FARS2: variants seen among roughly 807,000 people sequenced by gnomAD.
FARS2 encodes the protein phenylalanyl-tRNA synthetase 2, mitochondrial.
In FARS2, 40 loss-of-function variants were observed where a neutral mutation model predicts 46.4. That is an observed-to-expected ratio of 0.86 (90% CI 0.67 to 1.12). The LOEUF (loss-of-function observed/expected upper bound fraction) is 1.12, where lower values mean the gene tolerates loss of function less well. FARS2 is among the 50% of genes most tolerant of loss of function. FARS2 has a pLI of 0.00. For synonymous variants in FARS2, 234 were observed against 214.9 expected (o/e 1.09, Z -0.78); for missense variants, 513 against 567.9 (o/e 0.90, Z 0.98).
intron 4 of FARS2, among the ~76,000 whole-genome samples, chr6:5,523,012 A>G (rs1388663434): frequency 6.6e-6 from 1 of 152,176 alleles, no homozygotes; most frequent in Non-Finnish European, 1.5e-5. Context: ...GAGAGAAGGA[A>G]GGTTGAAGTA....
intron 5 of FARS2, among the ~76,000 whole-genome samples, chr6:5,562,842 C>T (rs1301656728): frequency 5.5e-5 from 8 of 146,370 alleles, no homozygotes; most frequent in East Asian, 2.0e-4. Context: ...TTTCGCTCAT[C>T]GCCCAGGCCG....
intron 6 of FARS2, among the ~76,000 whole-genome samples, chr6:5,691,436 G>C (rs956850099): frequency 6.6e-6 from 1 of 152,176 alleles, no homozygotes; most frequent in Non-Finnish European, 1.5e-5. Flanking sequence ...AGGTCTGTTG[G>C]AGTTTGCTGG....
At chr6:5,597,954 C>T (rs1297472194) in intron 5 of FARS2, among the ~76,000 whole-genome samples, 1 of 152,026 alleles carries the variant, frequency 6.6e-6, no homozygotes, top group Non-Finnish European at 1.5e-5. Context: ...CATAATAATA[C>T]AGTAGCTACC....
intron 5 of FARS2, among the ~76,000 whole-genome samples, chr6:5,585,066 T>C (rs1410250439): frequency 1.3e-5 from 2 of 152,214 alleles, no homozygotes; most frequent in Admixed American, 1.3e-4. Context: ...AAGATTCATA[T>C]ATATAAGCTA....
At chr6:5,566,662 C>T (rs1355275422) in intron 5 of FARS2, among the ~76,000 whole-genome samples, 2 of 152,116 alleles carry the variant, frequency 1.3e-5, no homozygotes, top group Non-Finnish European at 2.9e-5. Flanking sequence ...AAACAAGATT[C>T]AAGAAGAGAA....
intron 4 of FARS2, among the ~76,000 whole-genome samples, chr6:5,535,978 A>G (rs1770167573): frequency 1.3e-5 from 2 of 151,092 alleles, no homozygotes; most frequent in South Asian, 2.1e-4. Context: ...CATAAGAGAT[A>G]TTGGTATGTG....
intron 1 of FARS2, among the ~76,000 whole-genome samples, chr6:5,298,367 A>G (rs1416856228): frequency 1.3e-5 from 2 of 151,762 alleles, no homozygotes; most frequent in Non-Finnish European, 2.9e-5. Flanking sequence ...CCTCAGCCCC[A>G]CTCCTGGGGT....
chr6:5,466,362 G>A (rs1313400672), intron 4 of FARS2, among the ~76,000 whole-genome samples: 1 of 152,052 alleles, frequency 6.6e-6, no homozygotes, highest in East Asian at 1.9e-4. Flanking sequence ...CGGTGCCATT[G>A]TCATGCCTGT....
intron 5 of FARS2, among the ~76,000 whole-genome samples, chr6:5,583,987 T>C (rs1773474304): frequency 6.6e-6 from 1 of 152,138 alleles, no homozygotes; most frequent in Non-Finnish European, 1.5e-5. Context: ...GTGATGGAAT[T>C]CAAAAACAGA....
intron 4 of FARS2, among the ~76,000 whole-genome samples, chr6:5,470,386 C>T (rs1765746403): frequency 6.6e-6 from 1 of 152,196 alleles, no homozygotes; most frequent in South Asian, 2.1e-4. Flanking sequence ...GGGACTTGAG[C>T]ATCTTCAGGT....
At chr6:5,574,551 A>G (rs972025339) in intron 5 of FARS2, among the ~76,000 whole-genome samples, 11 of 152,208 alleles carry the variant, frequency 7.2e-5, no homozygotes, top group African/African-American at 2.7e-4. Context: ...ACTTTGTGGC[A>G]ATGAAAAAAA....
In FARS2 at chr6:5,431,202, C is replaced by T. The variant is rs373299744; in HGVS notation, c.904+30C>T. On this transcript the variant is annotated intron_variant, in intron 4 of 6. Coordinates refer to ENST00000274680, the MANE Select transcript of FARS2 (RefSeq NM_006567.5). ...AAAAGAATCCCACATTTTATTTACA[C>T]GTGCTCTAAAGGAACCCTCCCTTCT... 4.6e-5 allele frequency: 74 copies of T among 1,611,010 alleles called. No individual in the cohort carries two copies. The African/African-American group carries it at 4.7e-4, about 10-fold the overall frequency.
chr6:5,265,147 G>A lies in FARS2; in HGVS notation c.-22+3487G>A, dbSNP rs147161739. On this transcript the variant is annotated intron_variant, in intron 1 of 6. Transcript: ENST00000274680. ...TGCGATATGAGTAATATTAGTAAAC[G>A]CTAAAGGAATAGGGAAGAGGAATAT... 2.5e-3 allele frequency among the ~76,000 whole-genome samples: 380 copies of A among 152,244 alleles called. 1 individual carries two copies. Among genetic ancestry groups the A allele is most frequent in the African/African-American group, 8.7e-3 (362 of 41,550 alleles).
At chr6:5,297,905 A>G (rs1354518208) in intron 1 of FARS2, among the ~76,000 whole-genome samples, 1 of 152,228 alleles carries the variant, frequency 6.6e-6, no homozygotes, top group Non-Finnish European at 1.5e-5. Flanking sequence ...GTTTTTAAAA[A>G]CATCTCCACT....
intron 1 of FARS2, among the ~76,000 whole-genome samples, chr6:5,327,547 A>G (rs1770483268): frequency 6.6e-6 from 1 of 151,810 alleles, no homozygotes; most frequent in East Asian, 1.9e-4. Flanking sequence ...CCCTGCACAC[A>G]CTCTCTTGCC....
intron 1 of FARS2, among the ~76,000 whole-genome samples, chr6:5,313,623 A>G (rs898084792): frequency 1.3e-5 from 2 of 152,198 alleles, no homozygotes; most frequent in African/African-American, 4.8e-5. Context: ...AGATTTGCAT[A>G]AGACTTAACA....
chr6:5,637,504 C>T (rs1013344382), intron 6 of FARS2, among the ~76,000 whole-genome samples: 5 of 152,214 alleles, frequency 3.3e-5, no homozygotes, highest in Admixed American at 6.5e-5. Context: ...GAGACAGCAT[C>T]GCCCTCAGCA....
intron 1 of FARS2, among the ~76,000 whole-genome samples, chr6:5,305,978 T>G (rs1296439781): frequency 6.6e-6 from 1 of 152,070 alleles, no homozygotes; most frequent in Admixed American, 6.6e-5. Context: ...GAATATAACC[T>G]TTTTTTCATT....
intron 4 of FARS2, among the ~76,000 whole-genome samples, chr6:5,541,938 A>G (rs9405845): frequency 0.17 from 25,918 of 152,090 alleles, 2,271 homozygotes; most frequent in East Asian, 0.2. Flanking sequence ...TAGAGTATAT[A>G]GGGTAGTTTC....
Sources: allele counts gnomAD v4.1 joint callset (sites outside exome capture counted in the v4.1 genomes callset), GRCh38; gene constraint gnomAD v4.1.1; transcripts MANE v1.5; gene names NCBI Gene and HGNC (gene_info 2026-07-23, HGNC 2026-07-21).